The following TRIM71 variants were observed in gnomAD, a reference collection of about 807,000 sequenced individuals.
The protein encoded by TRIM71 is tripartite motif containing 71, also known as E3 ubiquitin-protein ligase TRIM71.
A neutral mutation model predicts 61.2 loss-of-function variants in TRIM71; 9 were observed. The ratio of observed to expected loss-of-function variants is 0.15; its 90% CI spans 0.09 to 0.26. The LOEUF is 0.26. Ranked by LOEUF, TRIM71 falls within the 10% of genes least tolerant of loss-of-function variation. TRIM71 has a pLI of 1.00. For missense variants in TRIM71, 998 were observed against 1,238.7 expected, an observed-to-expected ratio of 0.81 and a Z score of 2.92; for synonymous variants, 645 against 553.2, an observed-to-expected ratio of 1.17 and a Z score of -2.33.
At chr3:32,834,686 AC>A (rs1575343404) in intron 1 of TRIM71, among the ~76,000 whole-genome samples, 1 of 152,160 alleles carries the variant, frequency 6.6e-6, no homozygotes, top group African/African-American at 2.4e-5. Context: ...TACTAAAAAT[AC>A]AAAAATTAGC....
At chr3:32,822,742 G>T (rs575310820) in intron 1 of TRIM71, among the ~76,000 whole-genome samples, 1 of 152,232 alleles carries the variant, frequency 6.6e-6, no homozygotes, top group South Asian at 2.1e-4. Context: ...CACTTACACT[G>T]CATGTCGAAG....
chr3:32,858,035 A>G (rs1331869753), intron 1 of TRIM71, among the ~76,000 whole-genome samples: 2 of 152,188 alleles, frequency 1.3e-5, no homozygotes, highest in African/African-American at 2.4e-5. Context: ...GAAGTAGATC[A>G]TTATAAAGGT....
chr3:32,858,476 C>T (rs962012370), intron 1 of TRIM71, among the ~76,000 whole-genome samples: 62 of 152,330 alleles, frequency 4.1e-4, no homozygotes, highest in African/African-American at 1.4e-3. Flanking sequence ...ACTGTGGCCT[C>T]ATAGTCTCTG....
Position 32,896,781 on chromosome 3 carries a change from T to C in TRIM71, c.*4970T>C, listed in dbSNP as rs1455117676. On this transcript the variant is annotated 3_prime_UTR_variant, in exon 4 of 4. Transcript: ENST00000383763. ...GATTGTATTAACTTACAAGCTCAGG[T>C]AGTATTTTTCTTAAGACTCTATCTC... is the stretch of plus-strand genomic sequence containing the variant. 1 of 152,180 alleles carries C rather than the reference T, an allele frequency of 6.6e-6. No homozygotes were observed. Among genetic ancestry groups the C allele is most frequent in the Non-Finnish European group, 1.5e-5 (1 of 68,036 alleles). The allele number at this position is 152,180 out of a possible 1,614,324, so 9.4% of individuals were successfully genotyped here.
At chr3:32,874,318 T>C (rs556615123) in intron 2 of TRIM71, among the ~76,000 whole-genome samples, 11 of 133,708 alleles carry the variant, frequency 8.2e-5, no homozygotes, top group Non-Finnish European at 1.4e-4. Flanking sequence ...GGGTGCTTAA[T>C]GCTTATTACT....
chr3:32,863,523 C>T (rs972860695), intron 1 of TRIM71, among the ~76,000 whole-genome samples: 12 of 152,102 alleles, frequency 7.9e-5, no homozygotes, highest in Non-Finnish European at 1.2e-4. Flanking sequence ...CTCTAGTTCA[C>T]CCTCGTTCTC....
chr3:32,855,969 G>T (rs1198527653), intron 1 of TRIM71, among the ~76,000 whole-genome samples: 1 of 152,032 alleles, frequency 6.6e-6, no homozygotes, highest in Non-Finnish European at 1.5e-5. Context: ...GAGCTAGAAG[G>T]TACCTAGTTT....
At chr3:32,862,583 A>C (rs555898681) in intron 1 of TRIM71, among the ~76,000 whole-genome samples, 12 of 152,366 alleles carry the variant, frequency 7.9e-5, no homozygotes, top group African/African-American at 2.9e-4. Context: ...ACTCTTGTCC[A>C]TAGCACAACA....
intron 3 of TRIM71, among the ~76,000 whole-genome samples, chr3:32,886,959 A>G (rs1287336023): frequency 6.6e-6 from 1 of 152,182 alleles, no homozygotes; most frequent in Non-Finnish European, 1.5e-5. Flanking sequence ...GCTTTCTGAC[A>G]AGAGACTTTG....
chr3:32,891,936 T>C lies in TRIM71; in HGVS notation c.*125T>C, dbSNP rs1246505575. 4.1e-6 allele frequency: 2 copies of C among 482,306 alleles called. No homozygotes were observed. The highest frequency in any genetic ancestry group is 5.6e-5 in the Admixed American group (1 of 17,714). 29.9% of individuals were successfully genotyped at this position (482,306 alleles called of 1,614,324 possible). A position where few individuals can be genotyped will look rare whatever the true frequency, so the allele number is the denominator to read the frequency against. On this transcript the variant is annotated 3_prime_UTR_variant, in exon 4 of 4. Coordinates refer to ENST00000383763, the MANE Select transcript of TRIM71 (RefSeq NM_001039111.3). This position sits in a 1 kb window ranked among gnomAD's most constrained non-coding sequence, Gnocchi z 8.2. ...CAGTCTCAGGGAAATTTCTTTTTTC[T>C]TTTTTTTTTTTAAAGAGAACAAGAA... is the stretch of plus-strand genomic sequence containing the variant.
chr3:32,884,234 A>AT (rs1696937266), intron 2 of TRIM71, among the ~76,000 whole-genome samples: 1 of 152,266 alleles, frequency 6.6e-6, no homozygotes, highest in East Asian at 1.9e-4. Flanking sequence ...TACAGGCATT[A>AT]GCCTCTGTGC....
chr3:32,888,337 G>A (rs550777634), intron 3 of TRIM71, among the ~76,000 whole-genome samples: 11 of 149,812 alleles, frequency 7.3e-5, no homozygotes, highest in African/African-American at 2.5e-4. Flanking sequence ...AGTGACTCAC[G>A]CCTGTAATGC....
At chr3:32,818,985 C>T (rs1207006083) in intron 1 of TRIM71, 53 bp downstream of exon 1, 1 of 1,580,290 alleles carries the variant, frequency 6.3e-7, no homozygotes, top group African/African-American at 1.4e-5. Context: ...CGTGTGTGCT[C>T]AACAGCGTTT....
chr3:32,887,744 G>A (rs1696976836), intron 3 of TRIM71, among the ~76,000 whole-genome samples: 1 of 152,114 alleles, frequency 6.6e-6, no homozygotes. Flanking sequence ...AACCAAAGGT[G>A]GAGGTTTGGC....
chr3:32,837,972 A>G (rs535666694), intron 1 of TRIM71, among the ~76,000 whole-genome samples: 7 of 152,268 alleles, frequency 4.6e-5, no homozygotes, highest in East Asian at 3.9e-4. Flanking sequence ...CTGGGAGGCA[A>G]ATTCCTCAAG....
intron 1 of TRIM71, among the ~76,000 whole-genome samples, chr3:32,819,258 T>C (rs1054191448): frequency 4.1e-5 from 1 of 24,514 alleles, no homozygotes; most frequent in Non-Finnish European, 1.1e-4. Context: ...TGTGTGTTTG[T>C]GTAGACGTGG....
chr3:32,824,178 T>C (rs1693183384), intron 1 of TRIM71, among the ~76,000 whole-genome samples: 1 of 152,112 alleles, frequency 6.6e-6, no homozygotes, highest in African/African-American at 2.4e-5. Flanking sequence ...TTTTATTTAG[T>C]CCTTTTGTTT....
chr3:32,873,725 T>C, intron 1 of TRIM71, 93 bp from the exon 2 acceptor site: 5 of 1,254,222 alleles, frequency 4.0e-6, no homozygotes, highest in Non-Finnish European at 3.2e-6. Context: ...AGCTGGTCGT[T>C]CGGTTGTGAG....
In TRIM71 at chr3:32,895,556, GT is replaced by G. The variant is rs1248584739; in HGVS notation, c.*3749del. The G allele has an allele frequency of 2.6e-5, 4 of 152,186 alleles. No homozygotes were observed. The highest frequency in any genetic ancestry group is 5.9e-5 in the Non-Finnish European group (4 of 68,044). The allele number at this position is 152,186 out of a possible 1,614,324, so 9.4% of individuals were successfully genotyped here. ...GGTAGGTGGTGAAAGATATGCCAAAGTTTTAGGCTTGTTTTTCTGATCTTAT... is the reference window on the plus strand; with the variant it reads ...GGTAGGTGGTGAAAGATATGCCAAAGTTTAGGCTTGTTTTTCTGATCTTAT... On this transcript the variant is annotated 3_prime_UTR_variant, in exon 4 of 4. Coordinates refer to ENST00000383763, the MANE Select transcript of TRIM71 (RefSeq NM_001039111.3).
Sources: allele counts gnomAD v4.1 joint callset (sites outside exome capture counted in the v4.1 genomes callset), GRCh38; gene constraint gnomAD v4.1.1; non-coding constraint Gnocchi (gnomAD v3.1); transcripts MANE v1.5; gene names NCBI Gene and HGNC (gene_info 2026-07-23, HGNC 2026-07-21).